Variants in ATR observed in about 807,000 individuals in gnomAD.
ATR encodes the protein serine/threonine-protein kinase ATR.
Under a neutral mutation model 305.3 loss-of-function variants are expected in ATR, and 142 were observed. That is an observed-to-expected ratio of 0.47 (90% CI 0.41 to 0.53). The LOEUF is 0.53. Among genes scored for constraint, ATR ranks in the 20% least tolerant of loss-of-function variants. The probability of loss-of-function intolerance (pLI) is 0.00; values close to 1 mark genes in which losing one functional copy is unlikely to be tolerated. For missense variants in ATR, 2,135 were observed against 3,133.1 expected (o/e 0.68, Z 7.60); for synonymous variants, 1,050 against 1,068.1 (o/e 0.98, Z 0.33).
intron 21 of ATR, among the ~76,000 whole-genome samples, chr3:142,530,126 C>A (rs1020422925): frequency 1.3e-5 from 2 of 151,918 alleles, no homozygotes; most frequent in African/African-American, 4.8e-5. Flanking sequence ...CTATTTTACT[C>A]CTTTATCTCA....
chr3:142,538,691 A>G lies in ATR; in HGVS notation c.3582-66T>C. On this transcript the variant is annotated intron_variant, in intron 18 of 46. Coordinates refer to ENST00000350721, the MANE Select transcript of ATR (RefSeq NM_001184.4). ...TATTATTTGTAAAGCTCTATCAATC[A>G]GTAATTAGTTGAAGACACATGATAT... The G allele has an allele frequency of 3.8e-6, 6 of 1,583,912 alleles. No individual in the cohort carries two copies. The Admixed American group carries it at 1.0e-4, about 27-fold the overall frequency.
chr3:142,530,684 T>G (rs1191333372), intron 21 of ATR, among the ~76,000 whole-genome samples: 2 of 152,164 alleles, frequency 1.3e-5, no homozygotes, highest in Admixed American at 6.5e-5. Context: ...TGTACATTTC[T>G]TTTACTTCTG....
At chr3:142,468,133 T>G (rs770783906) in intron 38 of ATR, 65 bp from the exon 39 acceptor site, 5 of 1,576,110 alleles carry the variant, frequency 3.2e-6, no homozygotes, top group Non-Finnish European at 3.4e-6. Flanking sequence ...AAGATAAATT[T>G]TTTGCTTGAC....
intron 36 of ATR, among the ~76,000 whole-genome samples, chr3:142,483,010 C>CTTTTTTTTT (rs1227169409): frequency 1.1e-5 from 1 of 92,314 alleles, no homozygotes; most frequent in African/African-American, 3.9e-5. Context: ...TTCTTTCTTT[C>CTTTTTTTTT]TTTTTTTTTT....
chr3:142,528,086 C>G (rs1031461596), intron 21 of ATR, among the ~76,000 whole-genome samples: 4 of 152,202 alleles, frequency 2.6e-5, no homozygotes, highest in African/African-American at 9.7e-5. Flanking sequence ...TAAAGTCATT[C>G]AGTTTGTAGT....
chr3:142,449,802 C>G (rs2070742053), intron 46 of ATR, 200 bp from the exon 47 acceptor site: 1 of 591,484 alleles, frequency 1.7e-6, no homozygotes, highest in African/African-American at 1.9e-5. Context: ...AAGATTGATT[C>G]AACATCAACT....
chr3:142,473,840 G>T (rs1231567305), intron 36 of ATR, among the ~76,000 whole-genome samples: 2 of 151,770 alleles, frequency 1.3e-5, no homozygotes, highest in Non-Finnish European at 2.9e-5. Context: ...CGCCCGGCCA[G>T]CTTTGTTCTT....
chr3:142,458,257 T>C (rs1272840623), intron 44 of ATR, among the ~76,000 whole-genome samples: 4 of 152,204 alleles, frequency 2.6e-5, no homozygotes, highest in African/African-American at 9.7e-5. Context: ...CTAATCTGCC[T>C]TTTCTAGGGA....
chr3:142,516,862 C>CA (rs1440191050), intron 24 of ATR, among the ~76,000 whole-genome samples: 2 of 151,926 alleles, frequency 1.3e-5, no homozygotes, highest in Non-Finnish European at 2.9e-5. Flanking sequence ...CATGTTCACA[C>CA]AGCTCTCATC....
intron 6 of ATR, among the ~76,000 whole-genome samples, chr3:142,559,883 G>A (rs1324433258): frequency 1.3e-5 from 2 of 152,180 alleles, no homozygotes; most frequent in Non-Finnish European, 2.9e-5. Context: ...GAGACAAAGC[G>A]AGACCCTGTC....
At chr3:142,510,490 A>G (rs2032497011) in intron 27 of ATR, among the ~76,000 whole-genome samples, 1 of 152,168 alleles carries the variant, frequency 6.6e-6, no homozygotes. Flanking sequence ...AAAAACAAAC[A>G]TTCAATAGTT....
chr3:142,491,238 G>T (rs1442599544), intron 35 of ATR, among the ~76,000 whole-genome samples: 1 of 152,148 alleles, frequency 6.6e-6, no homozygotes, highest in Non-Finnish European at 1.5e-5. Context: ...CATGCAATAT[G>T]TGGCCCCTTG....
intron 35 of ATR, 60 bp from the exon 36 acceptor site, chr3:142,485,342 A>C: frequency 6.3e-7 from 1 of 1,581,798 alleles, no homozygotes; most frequent in Non-Finnish European, 8.6e-7. Flanking sequence ...TGGGAAGTAA[A>C]ATATGAATAG....
At chr3:142,452,519 T>C (rs2070813982) in intron 46 of ATR, 3 of 633,306 alleles carry the variant, frequency 4.7e-6, no homozygotes, top group South Asian at 1.4e-4. Flanking sequence ...ACTAAAAATA[T>C]AATAATTAGC....
chr3:142,504,264 G>A (rs2032125644), intron 29 of ATR, among the ~76,000 whole-genome samples: 1 of 152,120 alleles, frequency 6.6e-6, no homozygotes, highest in African/African-American at 2.4e-5. Flanking sequence ...GTGAGTAGGT[G>A]TATAAAATAT....
Position 142,469,230 on chromosome 3 carries a change from C to T in ATR, c.6552+107G>A, listed in dbSNP as rs1253202666. ...AATATTTAAAATTACTAATCTAATA[C>T]AGGAGAGACGCCCTGGAACTTGTAT... On this transcript the variant is annotated intron_variant, in intron 38 of 46. Coordinates refer to ENST00000350721, the MANE Select transcript of ATR (RefSeq NM_001184.4). 6 of 829,618 alleles carry T rather than the reference C, an allele frequency of 7.2e-6. No homozygotes were observed. In the African/African-American group the frequency reaches 8.7e-5, roughly 12 times the overall value. 51.4% of individuals were successfully genotyped at this position (829,618 alleles called of 1,614,324 possible).
chr3:142,496,612 T>C, intron 33 of ATR, 92 bp from the exon 34 acceptor site: 2 of 1,382,834 alleles, frequency 1.4e-6, no homozygotes, highest in Non-Finnish European at 1.0e-6. Context: ...GGTCATAAAC[T>C]TTGCAAGTAG....
chr3:142,467,819 T>C (rs1186805709), intron 39 of ATR, 115 bp downstream of exon 39: 6 of 1,185,928 alleles, frequency 5.1e-6, no homozygotes, highest in Non-Finnish European at 6.9e-6. Flanking sequence ...CATTTTGATA[T>C]ATGTGTACAC....
intron 2 of ATR, 146 bp from the exon 3 acceptor site, chr3:142,566,407 C>A (rs1164483693): frequency 1.1e-6 from 1 of 879,010 alleles, no homozygotes; most frequent in Non-Finnish European, 1.8e-6. Flanking sequence ...TCACCTGAGC[C>A]CAGGAACTCA....
Sources: gnomAD v4.1 joint callset for allele counts (sites outside exome capture counted in the v4.1 genomes callset) on GRCh38, gnomAD v4.1.1 for gene constraint, MANE v1.5 for transcripts, NCBI Gene and HGNC (gene_info 2026-07-23, HGNC 2026-07-21) for gene names.